ADAMTS17: variants seen among roughly 807,000 people sequenced by gnomAD.
ADAMTS17 encodes the protein A disintegrin and metalloproteinase with thrombospondin motifs 17.
Under a neutral mutation model 141.5 loss-of-function variants are expected in ADAMTS17, and 113 were observed. That is an observed-to-expected ratio of 0.80 (90% confidence interval 0.69 to 0.93). ADAMTS17 has a LOEUF of 0.93. Ranked by LOEUF, ADAMTS17 falls within the 40% of genes least tolerant of loss-of-function variation. The pLI is 0.00. For missense variants in ADAMTS17, 1,659 were observed against 1,517.9 expected, an observed-to-expected ratio of 1.09 and a Z score of -1.54; for synonymous variants, 768 against 630.6, an observed-to-expected ratio of 1.22 and a Z score of -3.27.
At chr15:100,062,977 T>C (rs1295317532) in intron 15 of ADAMTS17, among the ~76,000 whole-genome samples, 1 of 152,184 alleles carries the variant, frequency 6.6e-6, no homozygotes, top group African/African-American at 2.4e-5. Context: ...TCCAACCACC[T>C]TGGGGCTCAA....
At chr15:100,286,714 G>A (rs2044459818) in intron 3 of ADAMTS17, among the ~76,000 whole-genome samples, 1 of 152,044 alleles carries the variant, frequency 6.6e-6, no homozygotes, top group African/African-American at 2.4e-5. Context: ...ATGCAGACGG[G>A]AAAAATACAG....
intron 10 of ADAMTS17, among the ~76,000 whole-genome samples, chr15:100,148,875 G>A (rs545297323): frequency 6.6e-6 from 1 of 152,062 alleles, no homozygotes; most frequent in Admixed American, 6.5e-5. Context: ...TAGTCATGTG[G>A]ATAACTGGGA....
intron 18 of ADAMTS17, among the ~76,000 whole-genome samples, chr15:100,014,254 G>A (rs938396958): frequency 1.1e-4 from 16 of 151,982 alleles, no homozygotes; most frequent in Non-Finnish European, 2.2e-4. Flanking sequence ...TTCTTAATGA[G>A]GTTATTTGGA....
rs187255601 is a variant in ADAMTS17 at position 100,251,082 on chromosome 15, T to A, written c.1075+3054A>T. Among the ~76,000 whole-genome samples the A allele has an allele frequency of 5.2e-4, 79 of 152,090 alleles. No homozygotes were observed. The East Asian group carries it at 0.013, about 26-fold the overall frequency. The stretch of plus-strand genomic sequence containing the variant: ...AAAACACCATATACGTTTAATTTTT[T>A]TAAAAAAGAAAAAAAGGCATCAGCT... On this transcript the variant is annotated intron_variant, in intron 7 of 21. Coordinates refer to ENST00000268070, the MANE Select transcript of ADAMTS17 (RefSeq NM_139057.4).
chr15:100,044,954 C>A (rs1016295522), intron 18 of ADAMTS17, among the ~76,000 whole-genome samples: 15 of 152,118 alleles, frequency 9.9e-5, no homozygotes, highest in African/African-American at 3.6e-4. Context: ...ACTACAGGTG[C>A]ACGCCACCAT....
chr15:100,317,875 G>C (rs1293194377), intron 3 of ADAMTS17, among the ~76,000 whole-genome samples: 1 of 152,182 alleles, frequency 6.6e-6, no homozygotes, highest in Non-Finnish European at 1.5e-5. Flanking sequence ...TCCCAAAAGA[G>C]TAACACCAGG....
intron 3 of ADAMTS17, among the ~76,000 whole-genome samples, chr15:100,300,404 G>T (rs773568166): frequency 5.9e-5 from 9 of 152,172 alleles, no homozygotes; most frequent in Non-Finnish European, 8.8e-5. Context: ...AAAACGACCT[G>T]CCCAGAAAAT....
chr15:100,159,892 G>A (rs1049047692), intron 8 of ADAMTS17, among the ~76,000 whole-genome samples: 5 of 152,212 alleles, frequency 3.3e-5, no homozygotes, highest in South Asian at 2.1e-4. Flanking sequence ...AGAAAGGAAC[G>A]TTTTGCCTCT....
At chr15:100,181,359 T>A (rs1395391879) in intron 8 of ADAMTS17, among the ~76,000 whole-genome samples, 2 of 152,160 alleles carry the variant, frequency 1.3e-5, no homozygotes, top group African/African-American at 4.8e-5. Context: ...TACTTTTCCC[T>A]CTGCTTTTCT....
At chr15:100,327,066 T>G (rs1298685105) in intron 3 of ADAMTS17, among the ~76,000 whole-genome samples, 1 of 152,172 alleles carries the variant, frequency 6.6e-6, no homozygotes, top group Non-Finnish European at 1.5e-5. Context: ...ACATTTTTTT[T>G]GTGAAAACTC....
chr15:100,190,775 A>G (rs1009648931), intron 8 of ADAMTS17, among the ~76,000 whole-genome samples: 4 of 152,224 alleles, frequency 2.6e-5, no homozygotes, highest in African/African-American at 9.6e-5. Flanking sequence ...CCTGAGCACG[A>G]AGGAAACCCT....
intron 7 of ADAMTS17, among the ~76,000 whole-genome samples, chr15:100,200,330 A>G (rs1375431898): frequency 6.6e-6 from 1 of 152,074 alleles, no homozygotes; most frequent in African/African-American, 2.4e-5. Flanking sequence ...ATAGGATGAC[A>G]TGGAGCCCTT....
rs150465904 is a variant in ADAMTS17, at chr15:100,011,019, G to A, written c.2592-13430C>T. On this transcript the variant is annotated intron_variant, in intron 18 of 21. Coordinates refer to ENST00000268070, the MANE Select transcript of ADAMTS17 (RefSeq NM_139057.4). Reference sequence around the variant, plus strand: ...AATGTGCGCGTCTCCGGAAGCCGGCGGTTCTACGTGCAGAGAGGCCCCGCG... The same window carrying A: ...AATGTGCGCGTCTCCGGAAGCCGGCAGTTCTACGTGCAGAGAGGCCCCGCG... Among the ~76,000 whole-genome samples, 428 of 152,052 alleles carry A rather than the reference G, an allele frequency of 2.8e-3. 2 individuals are homozygous for A. Among genetic ancestry groups the A allele is most frequent in the African/African-American group, 9.8e-3 (408 of 41,496 alleles).
Position 100,254,003 on chromosome 15 carries a change from C to G in ADAMTS17, c.1075+133G>C, listed in dbSNP as rs954833328. 10 of 851,406 alleles carry G rather than the reference C, an allele frequency of 1.2e-5. No homozygotes were observed. The African/African-American group carries it at 1.5e-4, about 13-fold the overall frequency. 52.7% of individuals were successfully genotyped at this position (851,406 alleles called of 1,614,324 possible). A position where few individuals can be genotyped will look rare whatever the true frequency, so the allele number is the denominator to read the frequency against. On this transcript the variant is annotated intron_variant, in intron 7 of 21. Transcript: ENST00000268070. ...AAATAAAAAAAGGAAAGTCAAAGAC[C>G]AACTTACAGGAAGGAAGGCAACAGA...
At chr15:100,213,109 C>T (rs184992356) in intron 7 of ADAMTS17, among the ~76,000 whole-genome samples, 1 of 151,858 alleles carries the variant, frequency 6.6e-6, no homozygotes, top group Non-Finnish European at 1.5e-5. Flanking sequence ...TTTATATATA[C>T]CACTCTATTC....
intron 8 of ADAMTS17, among the ~76,000 whole-genome samples, chr15:100,194,695 C>G (rs1233570834): frequency 6.6e-6 from 1 of 152,176 alleles, no homozygotes; most frequent in Non-Finnish European, 1.5e-5. Context: ...TCCTCTTTCT[C>G]TTTAAAACCA....
At chr15:100,204,489 C>T (rs939487695) in intron 7 of ADAMTS17, among the ~76,000 whole-genome samples, 1 of 152,198 alleles carries the variant, frequency 6.6e-6, no homozygotes, top group Non-Finnish European at 1.5e-5. Flanking sequence ...TTCTTGCAAA[C>T]CTAAGTGGAT....
chr15:99,995,665 C>T (rs1324974509), intron 19 of ADAMTS17, among the ~76,000 whole-genome samples: 1 of 152,172 alleles, frequency 6.6e-6, no homozygotes, highest in African/African-American at 2.4e-5. Context: ...AAAGCGACCA[C>T]GTCAATAAAA....
chr15:100,164,655 C>T lies in ADAMTS17; in HGVS notation c.1182-9335G>A, dbSNP rs193171878. On this transcript the variant is annotated intron_variant, in intron 8 of 21. Transcript: ENST00000268070. ...TCAGGTGCTCTCAGAGAGCTGTGGC[C>T]TAAGGAGGGAAGTCATACTATAAGG... Among the ~76,000 whole-genome samples, 431 of 152,278 alleles carry T rather than the reference C, an allele frequency of 2.8e-3. 1 individual carries two copies. Among genetic ancestry groups the T allele is most frequent in the African/African-American group, 1.0e-2 (415 of 41,546 alleles).
Sources: gnomAD v4.1 joint callset for allele counts (sites outside exome capture counted in the v4.1 genomes callset) on GRCh38, gnomAD v4.1.1 for gene constraint, MANE v1.5 for transcripts, NCBI Gene and HGNC (gene_info 2026-07-23, HGNC 2026-07-21) for gene names.